Variants in FRMPD2 observed in about 807,000 individuals in gnomAD.
FRMPD2 encodes the protein FERM and PDZ domain containing 2, also known as FERM and PDZ domain-containing protein 2.
A neutral mutation model predicts 140.1 loss-of-function variants in FRMPD2; 96 were observed. The observed-to-expected ratio is 0.69, with a 90% confidence interval of 0.58 to 0.81. FRMPD2 has a LOEUF of 0.81. Among genes scored for constraint, FRMPD2 ranks in the 40% least tolerant of loss-of-function variants. FRMPD2 has a pLI of 0.00. For synonymous variants in FRMPD2, 449 were observed against 547.6 expected (o/e 0.82, Z 2.52); for missense variants, 1,240 against 1,447.4 (o/e 0.86, Z 2.32).
At chr10:48,204,274 C>T (rs780939447) in intron 14 of FRMPD2, among the ~76,000 whole-genome samples, 1 of 152,180 alleles carries the variant, frequency 6.6e-6, no homozygotes, top group South Asian at 2.1e-4. Context: ...ATTGTGTATA[C>T]CGCATTATCA....
At chr10:48,171,683 A>C (rs1838262193) in intron 25 of FRMPD2, among the ~76,000 whole-genome samples, 1 of 152,208 alleles carries the variant, frequency 6.6e-6, no homozygotes, top group African/African-American at 2.4e-5. Flanking sequence ...TCACATTTCA[A>C]GTCCTCAATA....
At chr10:48,253,852 AT>A (rs1840437503) in intron 1 of FRMPD2, among the ~76,000 whole-genome samples, 1 of 152,126 alleles carries the variant, frequency 6.6e-6, no homozygotes, top group Non-Finnish European at 1.5e-5. Flanking sequence ...TCCTATCAGA[AT>A]TTTTTTAAAA....
intron 27 of FRMPD2, among the ~76,000 whole-genome samples, 180 bp from the exon 28 acceptor site, chr10:48,163,851 A>T (rs1838021722): frequency 1.3e-5 from 2 of 151,212 alleles, no homozygotes; most frequent in African/African-American, 4.9e-5. Flanking sequence ...ACTGGGCAAC[A>T]CACTCAGGCA....
chr10:48,212,160 G>A lies in FRMPD2; in HGVS notation c.1456-51C>T, dbSNP rs778926288. 2.5e-6 allele frequency: 4 copies of A among 1,573,202 alleles called. No individual in the cohort carries two copies. The East Asian group carries it at 9.0e-5, about 36-fold the overall frequency. ...GGCACAATCCAGACACTGGCCGGGG[G>A]ACTCTGAGAGGAATGAAAACATTAT... On this transcript the variant is annotated intron_variant, in intron 12 of 28. Coordinates refer to ENST00000374201, the MANE Select transcript of FRMPD2 (RefSeq NM_001018071.4).
intron 1 of FRMPD2, among the ~76,000 whole-genome samples, chr10:48,256,314 C>T (rs1042150832): frequency 2.6e-5 from 4 of 152,058 alleles, no homozygotes; most frequent in East Asian, 1.9e-4. Flanking sequence ...CTCACCCGGG[C>T]GGCACACCGT....
chr10:48,193,016 T>C (rs1373050995), intron 15 of FRMPD2, 122 bp from the exon 16 acceptor site: 1 of 729,990 alleles, frequency 1.4e-6, no homozygotes, highest in Non-Finnish European at 2.3e-6. Context: ...TTTCTGCTGC[T>C]ATTTTGTCTC....
At chr10:48,235,490 G>A (rs984394130) in intron 9 of FRMPD2, among the ~76,000 whole-genome samples, 5 of 152,216 alleles carry the variant, frequency 3.3e-5, no homozygotes, top group African/African-American at 4.8e-5. Context: ...CATGGAAGCT[G>A]GGATTCAATG....
chr10:48,259,688 A>C (rs899794322), intron 1 of FRMPD2, among the ~76,000 whole-genome samples: 1 of 150,722 alleles, frequency 6.6e-6, no homozygotes, highest in Non-Finnish European at 1.5e-5. Flanking sequence ...TTTTTTTTTA[A>C]TCTTAAGAAG....
chr10:48,239,360 C>T (rs558283838), intron 7 of FRMPD2, among the ~76,000 whole-genome samples: 2 of 152,306 alleles, frequency 1.3e-5, no homozygotes, highest in East Asian at 1.9e-4. Context: ...CTCCGCCACT[C>T]GGCCTGAGTA....
At chr10:48,240,327 C>A in intron 6 of FRMPD2, 33 bp downstream of exon 6, 1 of 1,600,858 alleles carries the variant, frequency 6.2e-7, no homozygotes, top group Non-Finnish European at 8.5e-7. Flanking sequence ...GTACCATCAG[C>A]CCACGCAGGG....
intron 1 of FRMPD2, among the ~76,000 whole-genome samples, chr10:48,269,254 C>A (rs1840728467): frequency 6.6e-6 from 1 of 152,092 alleles, no homozygotes; most frequent in Non-Finnish European, 1.5e-5. Flanking sequence ...CTCATAACAC[C>A]CATTAACATG....
chr10:48,239,673 C>T lies in FRMPD2; in HGVS notation c.720G>A (p.Glu240=), dbSNP rs776071829. 6.2e-7 allele frequency: 1 copy of T among 1,613,896 alleles called. No homozygotes were observed. Among genetic ancestry groups the T allele is most frequent in the South Asian group, 1.1e-5 (1 of 91,036 alleles). ...AATGGGGCTCTGGTGAGCTCTGGGT[C>T]TCCGTGCTTCTTTCTGAAACTAATC... The part of the protein sequence containing the change: ...HPCRVSERST[E]TQSSPEPHWS... The change falls in exon 7 of 29, where the codon GAG becomes GAA. Residue 240 remains glutamate, a synonymous_variant. Coordinates refer to ENST00000374201, the MANE Select transcript of FRMPD2 (RefSeq NM_001018071.4).
chr10:48,215,645 C>T (rs1362054662), intron 12 of FRMPD2, among the ~76,000 whole-genome samples: 1 of 152,124 alleles, frequency 6.6e-6, no homozygotes, highest in Non-Finnish European at 1.5e-5. Context: ...CCTTTGGGGG[C>T]CACATGGGGG....
chr10:48,265,932 A>C (rs1039377570), intron 1 of FRMPD2, among the ~76,000 whole-genome samples: 2 of 152,218 alleles, frequency 1.3e-5, no homozygotes, highest in African/African-American at 4.8e-5. Context: ...TCATTGCAGC[A>C]GTATTCACAG....
chr10:48,157,563 CG>C (rs1262804262), intron 28 of FRMPD2, among the ~76,000 whole-genome samples, 193 bp from the exon 29 acceptor site: 3 of 134,900 alleles, frequency 2.2e-5, no homozygotes, highest in Non-Finnish European at 4.8e-5. Context: ...CCAGAGAGCA[CG>C]TCCTCCTCCC....
In FRMPD2 at chr10:48,222,448, G is replaced by C; in HGVS notation, c.1320C>G (p.His440Gln). 1 of 1,613,824 alleles carries C rather than the reference G, an allele frequency of 6.2e-7. No individual in the cohort carries two copies. The highest frequency in any genetic ancestry group is 1.7e-5 in the Admixed American group (1 of 59,986). Residue 440 changes from histidine to glutamine, a missense_variant, in exon 12 of 29, where the codon CAC becomes CAG. By Grantham distance (24) the His-to-Gln change is conservative. Around this residue, in one of 6 missense-constraint regions of FRMPD2, gnomAD observed 1,161 missense variants for 1,055.9 expected, o/e 1.10. Coordinates refer to ENST00000374201, the MANE Select transcript of FRMPD2 (RefSeq NM_001018071.4). ...GGTAAAACTGGTGCCTTGTCAGGCT[G>C]TGCCTGGAAAAGAAGTAGCAATAAA... ...FFVSHYGLLQHSLTRHQFYLQ... is the reference protein window; with the variant it reads ...FFVSHYGLLQQSLTRHQFYLQ...
At chr10:48,210,491 G>T (rs1839295079) in intron 13 of FRMPD2, among the ~76,000 whole-genome samples, 1 of 152,236 alleles carries the variant, frequency 6.6e-6, no homozygotes, top group East Asian at 1.9e-4. Context: ...TCTGGGCAGA[G>T]GCCAGAAGGT....
chr10:48,216,676 C>T (rs1160303566), intron 12 of FRMPD2, among the ~76,000 whole-genome samples: 1 of 152,192 alleles, frequency 6.6e-6, no homozygotes, highest in Non-Finnish European at 1.5e-5. Flanking sequence ...CTAGATACCA[C>T]ACATGAATTG....
intron 1 of FRMPD2, among the ~76,000 whole-genome samples, chr10:48,253,895 T>G: frequency 6.6e-6 from 1 of 152,206 alleles, no homozygotes. Flanking sequence ...AGCACATAAC[T>G]GATCGGGTTT....
Sources: gnomAD v4.1 joint callset for allele counts (sites outside exome capture counted in the v4.1 genomes callset) on GRCh38, gnomAD v4.1.1 for gene constraint, gnomAD v4.1.1 regional missense constraint, MANE v1.5 for transcripts, NCBI Gene and HGNC (gene_info 2026-07-23, HGNC 2026-07-21) for gene names.